The following CAAP1 variants were observed in gnomAD, a reference collection of about 807,000 sequenced individuals.
The protein encoded by CAAP1 is conserved anti-apoptotic protein.
CAAP1 carries 20 observed loss-of-function variants against 34.0 expected under a neutral mutation model. The observed-to-expected ratio is 0.59, with a 90% CI of 0.41 to 0.86. The LOEUF is 0.86. CAAP1 is among the 40% of genes least tolerant of loss of function. The pLI is 0.00. For synonymous variants in CAAP1, 213 were observed against 166.7 expected (o/e 1.28, Z -2.14); for missense variants, 538 against 450.5 (o/e 1.19, Z -1.76).
At chr9:26,881,812 G>A (rs1823599411) in intron 4 of CAAP1, among the ~76,000 whole-genome samples, 1 of 152,206 alleles carries the variant, frequency 6.6e-6, no homozygotes, top group Non-Finnish European at 1.5e-5. Flanking sequence ...GAAAATGTGG[G>A]AAAGTCTGGA....
chr9:26,861,008 T>C, intron 5 of CAAP1, 58 bp downstream of exon 5: 1 of 1,249,546 alleles, frequency 8.0e-7, no homozygotes, highest in Non-Finnish European at 1.2e-6. Context: ...TTATTTTTGG[T>C]AAAATGCTTC....
intron 5 of CAAP1, among the ~76,000 whole-genome samples, chr9:26,846,415 CAAAAAAAAAA>C (rs761402354): frequency 4.9e-5 from 3 of 61,752 alleles, no homozygotes; most frequent in South Asian, 4.6e-4. Context: ...GACTCTGTCT[CAAAAAAAAAA>C]AAAAAAAAAA....
intron 4 of CAAP1, among the ~76,000 whole-genome samples, chr9:26,873,339 T>C (rs1823326427): frequency 6.6e-6 from 1 of 152,238 alleles, no homozygotes; most frequent in Non-Finnish European, 1.5e-5. Flanking sequence ...ATCTCAACAC[T>C]GTTTATTATC....
chr9:26,880,641 C>G lies in CAAP1; in HGVS notation c.665+4169G>C, dbSNP rs116994422. 3.5e-3 allele frequency: 529 copies of G among 152,640 alleles called. 1 individual carries two copies. Among genetic ancestry groups the G allele is most frequent in the Admixed American group, 5.7e-3 (87 of 15,304 alleles). The allele number at this position is 152,640 out of a possible 1,614,324, so 9.5% of individuals were successfully genotyped here. A position where few individuals can be genotyped will look rare whatever the true frequency, so the allele number is the denominator to read the frequency against. ...CCAGCCTTGGAGAGTCACAGTGGGT[C>G]AGCAGTACAGCAGAAGTTGTGAAAA... is the stretch of plus-strand genomic sequence containing the variant. On this transcript the variant is annotated intron_variant, in intron 4 of 5. Coordinates refer to ENST00000333916, the MANE Select transcript of CAAP1 (RefSeq NM_024828.4).
chr9:26,860,938 G>T (rs971123101), intron 5 of CAAP1, 128 bp downstream of exon 5: 1 of 681,970 alleles, frequency 1.5e-6, no homozygotes, highest in Non-Finnish European at 2.6e-6. Flanking sequence ...ACTGATTTTT[G>T]ACCAAATAAA....
intron 5 of CAAP1, among the ~76,000 whole-genome samples, chr9:26,855,941 T>A (rs1822860215): frequency 6.6e-6 from 1 of 152,172 alleles, no homozygotes; most frequent in African/African-American, 2.4e-5. Flanking sequence ...ATAGAATGTT[T>A]AAAATGAGTA....
rs1027546320 is a variant in CAAP1, at chr9:26,841,511, T to C, written c.*790A>G. On this transcript the variant is annotated 3_prime_UTR_variant, in exon 6 of 6. Transcript: ENST00000333916. ...ATAGCATTTTATTATTTCTGATTCA[T>C]GGAATTATAGCACATCAGATCTTTA... is the stretch of plus-strand genomic sequence containing the variant. The C allele has an allele frequency of 2.0e-5, 3 of 152,588 alleles. No homozygotes were observed. Among genetic ancestry groups the C allele is most frequent in the Non-Finnish European group, 2.9e-5 (2 of 67,994 alleles). 9.5% of individuals were successfully genotyped at this position (152,588 alleles called of 1,614,324 possible).
At chr9:26,892,220 G>C in intron 1 of CAAP1, 193 bp downstream of exon 1, 1 of 1,410,332 alleles carries the variant, frequency 7.1e-7, no homozygotes, top group South Asian at 1.4e-5. Flanking sequence ...GAAACTTGAA[G>C]TTCAAGATTC....
intron 5 of CAAP1, among the ~76,000 whole-genome samples, chr9:26,844,145 G>A (rs1288022316): frequency 6.6e-6 from 1 of 152,050 alleles, no homozygotes; most frequent in Non-Finnish European, 1.5e-5. Context: ...ATCACCTGGG[G>A]TCAGGAGTTT....
intron 4 of CAAP1, 22 bp downstream of exon 4, chr9:26,884,788 A>C: frequency 1.9e-6 from 3 of 1,547,316 alleles, no homozygotes; most frequent in Non-Finnish European, 1.8e-6. Flanking sequence ...TTTGAAATAA[A>C]AATGAAAGTT....
rs1183778074 is a variant in CAAP1, at chr9:26,841,301, T to C, written c.*1000A>G. 6.6e-6 allele frequency: 1 copy of C among 152,544 alleles called. No homozygotes were observed. The highest frequency in any genetic ancestry group is 1.5e-5 in the Non-Finnish European group (1 of 67,960). 9.4% of individuals were successfully genotyped at this position (152,544 alleles called of 1,614,324 possible). A position where few individuals can be genotyped will look rare whatever the true frequency, so the allele number is the denominator to read the frequency against. The stretch of plus-strand genomic sequence containing the variant: ...TTTAAGTTAAGGATCTCTACGTAAA[T>C]TTATTTTGGTATCAAACAACTGCAA... On this transcript the variant is annotated 3_prime_UTR_variant, in exon 6 of 6. Coordinates refer to ENST00000333916, the MANE Select transcript of CAAP1 (RefSeq NM_024828.4).
chr9:26,868,800 A>G (rs1278275777), intron 4 of CAAP1, among the ~76,000 whole-genome samples: 1 of 152,182 alleles, frequency 6.6e-6, no homozygotes, highest in Non-Finnish European at 1.5e-5. Flanking sequence ...ACAAGAGACA[A>G]TAGGAAGGTG....
At chr9:26,858,398 T>C (rs1301507604) in intron 5 of CAAP1, among the ~76,000 whole-genome samples, 1 of 152,236 alleles carries the variant, frequency 6.6e-6, no homozygotes, top group African/African-American at 2.4e-5. Context: ...GCTATATTAA[T>C]ATTTATCTGG....
intron 1 of CAAP1, among the ~76,000 whole-genome samples, chr9:26,890,978 A>G (rs1253795268): frequency 1.3e-5 from 2 of 152,206 alleles, no homozygotes; most frequent in African/African-American, 2.4e-5. Context: ...ACATACATGA[A>G]AGTAAAAATA....
intron 1 of CAAP1, among the ~76,000 whole-genome samples, chr9:26,887,795 G>C (rs1416402344): frequency 6.6e-6 from 1 of 152,042 alleles, no homozygotes; most frequent in African/African-American, 2.4e-5. Context: ...TAAAATTTTA[G>C]ACTTTTGAAG....
chr9:26,886,024 G>C, intron 3 of CAAP1, 80 bp downstream of exon 3: 1 of 572,182 alleles, frequency 1.7e-6, no homozygotes. Context: ...TATCCAAGTA[G>C]GAGAAAGAAT....
intron 4 of CAAP1, among the ~76,000 whole-genome samples, chr9:26,867,241 G>T (rs1823161944): frequency 6.6e-6 from 1 of 152,112 alleles, no homozygotes; most frequent in African/African-American, 2.4e-5. Context: ...AGAAGACACT[G>T]TTTCACAAGC....
intron 1 of CAAP1, 22 bp downstream of exon 1, chr9:26,892,391 G>A: frequency 4.4e-6 from 7 of 1,603,230 alleles, no homozygotes; most frequent in Non-Finnish European, 5.9e-6. Flanking sequence ...TCCAGGAAGC[G>A]GCCAGAGGGG....
At chr9:26,889,577 G>A (rs537974733) in intron 1 of CAAP1, among the ~76,000 whole-genome samples, 1 of 151,746 alleles carries the variant, frequency 6.6e-6, no homozygotes, top group Non-Finnish European at 1.5e-5. Context: ...GAACTCGGCC[G>A]GGCAGAGTGG....
Sources: gnomAD v4.1 joint callset for allele counts (sites outside exome capture counted in the v4.1 genomes callset) on GRCh38, gnomAD v4.1.1 for gene constraint, MANE v1.5 for transcripts, NCBI Gene and HGNC (gene_info 2026-07-23, HGNC 2026-07-21) for gene names.